The following GIN1 variants were observed in gnomAD, a reference collection of about 807,000 sequenced individuals.
GIN1 encodes the protein gypsy retrotransposon integrase-like protein 1.
Under a neutral mutation model 51.4 loss-of-function variants are expected in GIN1, and 41 were observed. The ratio of observed to expected loss-of-function variants is 0.80; its 90% CI spans 0.62 to 1.04. The LOEUF is 1.04. GIN1 is among the 50% of genes least tolerant of loss of function. GIN1 has a pLI of 0.00. For synonymous variants in GIN1, 222 were observed against 206.5 expected, an observed-to-expected ratio of 1.07 and a Z score of -0.64; for missense variants, 610 against 612.4, an observed-to-expected ratio of 1.00 and a Z score of 0.04.
Position 103,106,902 on chromosome 5 carries a change from C to A in GIN1, c.147G>T (p.Lys49Asn). Residue 49 changes from lysine to asparagine, a missense_variant, in exon 3 of 8, where the codon AAG becomes AAT. By Grantham distance (94) the Lys-to-Asn change is moderately conservative. Coordinates refer to ENST00000399004, the MANE Select transcript of GIN1 (RefSeq NM_017676.2). ...AAKKFVFKEK[K>N]LFYVGKDRKQ... ...TTCTGTCTTTTCCAACATAAAACAG[C>A]TTTTTTTCTGGAATAAATGATACCA... 1 of 1,548,036 alleles carries A rather than the reference C, an allele frequency of 6.5e-7. No individual in the cohort carries two copies. Among genetic ancestry groups the A allele is most frequent in the Non-Finnish European group, 8.7e-7 (1 of 1,144,670 alleles).
At chr5:103,104,035 C>A (rs1331050274) in intron 4 of GIN1, among the ~76,000 whole-genome samples, 1 of 152,186 alleles carries the variant, frequency 6.6e-6, no homozygotes, top group South Asian at 2.1e-4. Flanking sequence ...CTCACTGCAA[C>A]CTCTACCTCC....
At chr5:103,117,995 G>A (rs1190166309) in intron 1 of GIN1, among the ~76,000 whole-genome samples, 2 of 151,942 alleles carry the variant, frequency 1.3e-5, no homozygotes, top group East Asian at 3.9e-4. Context: ...AGTGATTTTT[G>A]TAATCAATAA....
At chr5:103,106,612 T>C (rs1787730589) in intron 3 of GIN1, 104 bp downstream of exon 3, 1 of 654,548 alleles carries the variant, frequency 1.5e-6, no homozygotes, top group Non-Finnish European at 2.5e-6. Context: ...TTGCCAAAAA[T>C]ACTTAATGAG....
At chr5:103,108,862 G>C (rs1787799885) in intron 1 of GIN1, 148 bp from the exon 2 acceptor site, 8 of 595,204 alleles carry the variant, frequency 1.3e-5, no homozygotes, top group Non-Finnish European at 1.7e-5. Flanking sequence ...GTACAGGAAA[G>C]GAACAGCGAT....
chr5:103,103,109 T>C (rs1554195939), intron 4 of GIN1, among the ~76,000 whole-genome samples: 1 of 152,160 alleles, frequency 6.6e-6, no homozygotes, highest in Non-Finnish European at 1.5e-5. Context: ...GTCTAGGAGC[T>C]TAGATTTTGG....
At chr5:103,107,570 C>G (rs548587187) in intron 2 of GIN1, among the ~76,000 whole-genome samples, 48 of 152,164 alleles carry the variant, frequency 3.2e-4, no homozygotes, top group African/African-American at 9.6e-4. Flanking sequence ...CATTCAGCTA[C>G]TAATATGAGT....
At chr5:103,100,258 C>A (rs979968409) in intron 4 of GIN1, among the ~76,000 whole-genome samples, 20 of 151,848 alleles carry the variant, frequency 1.3e-4, no homozygotes, top group African/African-American at 4.4e-4. Context: ...CCCTACCACT[C>A]CTGGCTAATT....
chr5:103,108,843 A>G (rs1787798696), intron 1 of GIN1, 129 bp from the exon 2 acceptor site: 6 of 641,874 alleles, frequency 9.3e-6, no homozygotes, highest in African/African-American at 3.8e-5. Flanking sequence ...TGTGAGGGAG[A>G]TAATTGCAGT....
chr5:103,094,759 T>A (rs797041439), intron 7 of GIN1, among the ~76,000 whole-genome samples: 17 of 152,326 alleles, frequency 1.1e-4, no homozygotes, highest in African/African-American at 3.8e-4. Flanking sequence ...CATATACTTG[T>A]ATAACCTTTT....
chr5:103,115,061 T>C (rs142493222), intron 1 of GIN1, among the ~76,000 whole-genome samples: 56 of 152,308 alleles, frequency 3.7e-4, no homozygotes, highest in African/African-American at 1.3e-3. Context: ...GGCAAGGAGC[T>C]ACAAGATAGT....
intron 3 of GIN1, chr5:103,106,444 C>T: frequency 3.8e-6 from 1 of 262,304 alleles, no homozygotes; most frequent in South Asian, 7.3e-5. Flanking sequence ...TAAATTCTGC[C>T]TACACAAAAA....
chr5:103,111,777 C>G (rs1787890405), intron 1 of GIN1, among the ~76,000 whole-genome samples: 2 of 152,098 alleles, frequency 1.3e-5, no homozygotes, highest in African/African-American at 4.8e-5. Context: ...TATTTAAAAA[C>G]CTCTTGGTTC....
intron 1 of GIN1, among the ~76,000 whole-genome samples, chr5:103,112,950 T>G (rs1011486079): frequency 2.0e-5 from 3 of 152,080 alleles, no homozygotes; most frequent in African/African-American, 7.2e-5. Context: ...TTATACAGTT[T>G]AGAGTGGTGT....
At chr5:103,113,059 A>C (rs566310791) in intron 1 of GIN1, among the ~76,000 whole-genome samples, 103 of 152,176 alleles carry the variant, frequency 6.8e-4, no homozygotes, top group Middle Eastern at 6.8e-3. Flanking sequence ...ATGAGGTAGA[A>C]CCTTGAACTT....
intron 7 of GIN1, among the ~76,000 whole-genome samples, chr5:103,090,656 A>G (rs1205956886): frequency 6.6e-6 from 1 of 152,170 alleles, no homozygotes; most frequent in Non-Finnish European, 1.5e-5. Context: ...TCTGTCTGTA[A>G]AAGTTTTTTC....
intron 7 of GIN1, among the ~76,000 whole-genome samples, chr5:103,088,703 AG>A (rs1227779307): frequency 1.3e-5 from 2 of 152,162 alleles, no homozygotes; most frequent in Non-Finnish European, 2.9e-5. Context: ...CTGAGATGGA[AG>A]GATCACTTGA....
At chr5:103,088,959 T>C (rs868967950) in intron 7 of GIN1, among the ~76,000 whole-genome samples, 2 of 152,222 alleles carry the variant, frequency 1.3e-5, no homozygotes, top group Non-Finnish European at 2.9e-5. Flanking sequence ...AAAACCCATA[T>C]TGGAAAGATA....
At position 103,086,899 on chromosome 5, in the gene GIN1, T is replaced by C. The variant is rs1787089337; in HGVS notation, c.*999A>G. 6.6e-6 allele frequency: 1 copy of C among 152,262 alleles called. No homozygotes were observed. Among genetic ancestry groups the C allele is most frequent in the Admixed American group, 6.5e-5 (1 of 15,292 alleles). 9.4% of individuals were successfully genotyped at this position (152,262 alleles called of 1,614,324 possible). On this transcript the variant is annotated 3_prime_UTR_variant, in exon 8 of 8. Coordinates refer to ENST00000399004, the MANE Select transcript of GIN1 (RefSeq NM_017676.2). ...ATTTATTTTATATTTATGAATATCA[T>C]AGAAATTACAGTTTAAAATCTTTGA...
At chr5:103,099,735 T>C (rs1382714299) in intron 4 of GIN1, among the ~76,000 whole-genome samples, 1 of 152,156 alleles carries the variant, frequency 6.6e-6, no homozygotes, top group Non-Finnish European at 1.5e-5. Context: ...TTTAAAAAAA[T>C]TAATTTTCCT....
Sources: gnomAD v4.1 joint callset for allele counts (sites outside exome capture counted in the v4.1 genomes callset) on GRCh38, gnomAD v4.1.1 for gene constraint, MANE v1.5 for transcripts, NCBI Gene and HGNC (gene_info 2026-07-23, HGNC 2026-07-21) for gene names.